RBFOX2: variants seen among roughly 807,000 people sequenced by gnomAD.
The protein encoded by RBFOX2 is RNA binding fox-1 homolog 2, also known as RNA binding protein fox-1 homolog 2.
In RBFOX2, 10 loss-of-function variants were observed where a neutral mutation model predicts 49.1. The ratio of observed to expected loss-of-function variants is 0.20; its 90% confidence interval spans 0.13 to 0.35. RBFOX2 has a LOEUF of 0.35. Among genes scored for constraint, RBFOX2 ranks in the 10% least tolerant of loss-of-function variants. RBFOX2 has a pLI of 1.00. For synonymous variants in RBFOX2, 183 were observed against 187.4 expected (o/e 0.98, Z 0.19); for missense variants, 323 against 486.9 (o/e 0.66, Z 3.17).
At chr22:35,821,493 G>A (rs1954463474) in intron 1 of RBFOX2, among the ~76,000 whole-genome samples, 2 of 151,486 alleles carry the variant, frequency 1.3e-5, no homozygotes, top group South Asian at 2.1e-4. Flanking sequence ...CTACTTGGGA[G>A]GCTGAGGCAG....
intron 3 of RBFOX2, among the ~76,000 whole-genome samples, 180 bp downstream of exon 4, chr22:35,781,420 T>C (rs950370335): frequency 6.6e-6 from 1 of 152,218 alleles, no homozygotes; most frequent in Admixed American, 6.5e-5. Flanking sequence ...TGCAAGACTA[T>C]GTCTAGAGCA....
chr22:35,879,029 C>T (rs938250253), intron 1 of RBFOX2, among the ~76,000 whole-genome samples: 3 of 152,094 alleles, frequency 2.0e-5, no homozygotes, highest in Non-Finnish European at 2.9e-5. Flanking sequence ...TGTGCCTGGC[C>T]GTATGGCCTG....
intron 1 of RBFOX2, among the ~76,000 whole-genome samples, chr22:35,811,396 A>G (rs1324966550): frequency 6.6e-6 from 1 of 152,140 alleles, no homozygotes; most frequent in African/African-American, 2.4e-5. Flanking sequence ...CCTTATAAGA[A>G]AAGGGAATGT....
chr22:35,940,267 G>A (rs1310397636), upstream of RBFOX2, among the ~76,000 whole-genome samples: 2 of 152,102 alleles, frequency 1.3e-5, no homozygotes, highest in Non-Finnish European at 1.5e-5. Flanking sequence ...TAAATAAATG[G>A]AGCTAAATAA....
intron 1 of RBFOX2, among the ~76,000 whole-genome samples, chr22:35,861,772 TCTAA>T (rs1458992588): frequency 2.0e-5 from 3 of 152,164 alleles, no homozygotes; most frequent in Admixed American, 1.3e-4. Context: ...ATCTATCTAT[TCTAA>T]CTATTTACCC....
At chr22:35,850,193 TACACACACACACACACAC>T (rs58692076) in intron 1 of RBFOX2, among the ~76,000 whole-genome samples, 2 of 132,600 alleles carry the variant, frequency 1.5e-5, no homozygotes, top group Non-Finnish European at 3.2e-5. Context: ...CTCTCTCTCA[TACACACACACACACACAC>T]ACACACACAC....
intron 1 of RBFOX2, among the ~76,000 whole-genome samples, chr22:36,013,764 G>A (rs999493110): frequency 3.3e-5 from 5 of 152,156 alleles, no homozygotes; most frequent in African/African-American, 7.2e-5. Context: ...AAAATACAGA[G>A]AGTATGCTAA....
chr22:35,870,013 T>A (rs2044168459), intron 1 of RBFOX2, among the ~76,000 whole-genome samples: 1 of 152,170 alleles, frequency 6.6e-6, no homozygotes. Flanking sequence ...GATTTATACC[T>A]CCCTCTCATT....
At chr22:35,833,051 C>G (rs1957079767) in intron 1 of RBFOX2, among the ~76,000 whole-genome samples, 1 of 151,846 alleles carries the variant, frequency 6.6e-6, no homozygotes, top group Non-Finnish European at 1.5e-5. Context: ...TCATATGTAC[C>G]CCATAAATAT....
intron 1 of RBFOX2, chr22:36,000,003 A>ATTT (rs200510007): frequency 6.7e-5 from 6 of 89,762 alleles, no homozygotes; most frequent in African/African-American, 1.5e-4. Flanking sequence ...ATATATATAT[A>ATTT]TATTTTTTTT....
chr22:35,816,056 TC>T (rs1340209347), intron 1 of RBFOX2, among the ~76,000 whole-genome samples: 1 of 152,082 alleles, frequency 6.6e-6, no homozygotes, highest in African/African-American at 2.4e-5. Flanking sequence ...TTTAAAATCA[TC>T]TAGGATCCGT....
At chr22:35,998,980 A>G (rs1361535418) in intron 1 of RBFOX2, 1 of 152,574 alleles carries the variant, frequency 6.6e-6, no homozygotes, top group Non-Finnish European at 1.5e-5. Flanking sequence ...CACTGCCATG[A>G]TAATCAACAA....
intron 9 of RBFOX2, chr22:35,748,324 A>C (rs1933571238): frequency 6.6e-6 from 1 of 152,188 alleles, no homozygotes; most frequent in African/African-American, 2.4e-5. Flanking sequence ...ATTACCAAAC[A>C]CTGACAATGA....
At chr22:35,961,257 C>A (rs1221154375) in intron 1 of RBFOX2, among the ~76,000 whole-genome samples, 1 of 152,040 alleles carries the variant, frequency 6.6e-6, no homozygotes, top group Non-Finnish European at 1.5e-5. Context: ...CACACAAATA[C>A]CCTCACATAC....
chr22:35,776,139 T>C (rs1334276142), intron 4 of RBFOX2, among the ~76,000 whole-genome samples: 1 of 152,166 alleles, frequency 6.6e-6, no homozygotes, highest in African/African-American at 2.4e-5. Flanking sequence ...CACATATTTA[T>C]TTTACATTCA....
At chr22:35,963,934 T>G (rs143004958), upstream of RBFOX2, among the ~76,000 whole-genome samples, 127 of 152,244 alleles carry the variant, frequency 8.3e-4, 1 homozygote, top group African/African-American at 2.9e-3. Context: ...TTAGTACAGA[T>G]GGGGTTACAC....
At chr22:35,914,668 C>T (rs748940399) in intron 1 of RBFOX2, among the ~76,000 whole-genome samples, 2 of 152,178 alleles carry the variant, frequency 1.3e-5, no homozygotes, top group Non-Finnish European at 2.9e-5. Flanking sequence ...GCTACAGCTC[C>T]GGAGTTGGCT....
chr22:35,820,327 T>C (rs1374807403), intron 1 of RBFOX2, among the ~76,000 whole-genome samples: 2 of 152,232 alleles, frequency 1.3e-5, no homozygotes, highest in African/African-American at 4.8e-5. Context: ...GGTAATCTAA[T>C]GTGTGTCGAA....
At chr22:35,921,109 AGTCAGAAAAACCAGG>A (rs1240973895) in intron 1 of RBFOX2, among the ~76,000 whole-genome samples, 4 of 152,216 alleles carry the variant, frequency 2.6e-5, no homozygotes, top group African/African-American at 9.7e-5. Flanking sequence ...ATGGCTCAGG[AGTCAGAAAAACCAGG>A]GTTCAAATCC....
Sources: gnomAD v4.1 joint callset for allele counts (sites outside exome capture counted in the v4.1 genomes callset) on GRCh38, gnomAD v4.1.1 for gene constraint, MANE v1.5 for transcripts, NCBI Gene and HGNC (gene_info 2026-07-23, HGNC 2026-07-21) for gene names.